Variants in GAN observed in about 807,000 individuals in gnomAD.
GAN encodes gigaxonin, also known as epididymis secretory sperm binding protein.
GAN carries 48 observed loss-of-function variants against 71.3 expected under a neutral mutation model. The ratio of observed to expected loss-of-function variants is 0.67; its 90% CI spans 0.53 to 0.86. The LOEUF (loss-of-function observed/expected upper bound fraction) is 0.86. GAN is among the 40% of genes least tolerant of loss of function. The pLI, the probability that GAN is intolerant of heterozygous loss-of-function variation, is 0.00. For synonymous variants in GAN, 386 were observed against 276.8 expected (o/e 1.39, Z -3.92); for missense variants, 928 against 770.1 (o/e 1.21, Z -2.43).
Position 81,351,630 on chromosome 16 carries a change from A to C in GAN, c.215A>C (p.Lys72Thr), listed in dbSNP as rs756446204. Reference sequence around the variant, plus strand: ...CCAAAAGATGATGGATCAACTTATAAGATTGAACTTGAAGGGATATCGGTA... The same window carrying C: ...CCAAAAGATGATGGATCAACTTATACGATTGAACTTGAAGGGATATCGGTA... Reference protein sequence around the residue: ...NPPKDDGSTYKIELEGISVMV... With the variant: ...NPPKDDGSTYTIELEGISVMV... The change falls in exon 2 of 11, where the codon AAG becomes ACG. Residue 72 changes from lysine (K) to threonine (T), a missense_variant. Lys to Thr is a moderately conservative substitution (Grantham distance 78, BLOSUM62 -1). Coordinates refer to ENST00000648994, the MANE Select transcript of GAN (RefSeq NM_022041.4). 6.4e-7 allele frequency: 1 copy of C among 1,568,590 alleles called. No homozygotes were observed. The highest frequency in any genetic ancestry group is 1.3e-5 in the African/African-American group (1 of 74,154).
At chr16:81,324,455 G>C (rs935734423) in intron 1 of GAN, among the ~76,000 whole-genome samples, 2 of 152,168 alleles carry the variant, frequency 1.3e-5, no homozygotes, top group Non-Finnish European at 2.9e-5. Context: ...GAGAAGAGCA[G>C]GGGGAGGCAC....
intron 3 of GAN, among the ~76,000 whole-genome samples, chr16:81,356,419 A>C (rs1320130650): frequency 6.6e-6 from 1 of 152,158 alleles, no homozygotes; most frequent in Non-Finnish European, 1.5e-5. Context: ...TATTTGTATA[A>C]ACATGATTTA....
At chr16:81,320,989 G>A (rs954405674) in intron 1 of GAN, among the ~76,000 whole-genome samples, 4 of 151,690 alleles carry the variant, frequency 2.6e-5, no homozygotes, top group South Asian at 2.1e-4. Context: ...TTTCAAAAGC[G>A]ATAATAACTA....
intron 9 of GAN, among the ~76,000 whole-genome samples, chr16:81,375,857 C>G (rs1465917662): frequency 6.6e-6 from 1 of 150,760 alleles, no homozygotes; most frequent in Non-Finnish European, 1.5e-5. Context: ...GTGGTCCCAA[C>G]TATTTGGGAG....
Position 81,384,469 on chromosome 16 carries a change from G to A in GAN, c.*6873G>A, listed in dbSNP as rs766860577. 1 of 152,118 alleles carries A rather than the reference G, an allele frequency of 6.6e-6. No individual in the cohort carries two copies. The highest frequency in any genetic ancestry group is 2.4e-5 in the African/African-American group (1 of 41,438). The allele number at this position is 152,118 out of a possible 1,614,324, so 9.4% of individuals were successfully genotyped here. The stretch of plus-strand genomic sequence containing the variant: ...AGTAGTCTATTTAAACGCCACTGCT[G>A]TGTAAAACAGGGGGCTCGATTTCCA... On this transcript the variant is annotated 3_prime_UTR_variant, in exon 11 of 11. Transcript: ENST00000648994.
chr16:81,347,166 T>C (rs112601317), intron 1 of GAN, among the ~76,000 whole-genome samples: 55 of 152,338 alleles, frequency 3.6e-4, no homozygotes, highest in African/African-American at 1.3e-3. Flanking sequence ...AATTCTTTCC[T>C]TCACTTTTAA....
chr16:81,325,061 G>C (rs1909339192), intron 1 of GAN, among the ~76,000 whole-genome samples: 1 of 152,178 alleles, frequency 6.6e-6, no homozygotes, highest in African/African-American at 2.4e-5. Context: ...ATGGCTCCCA[G>C]GCACGGATGC....
At chr16:81,346,602 T>C (rs964290211) in intron 1 of GAN, among the ~76,000 whole-genome samples, 14 of 152,342 alleles carry the variant, frequency 9.2e-5, no homozygotes, top group African/African-American at 3.1e-4. Context: ...GGAACAGTTT[T>C]ACCCTGAAAC....
chr16:81,316,231 T>C (rs1909034426), intron 1 of GAN, among the ~76,000 whole-genome samples: 1 of 152,146 alleles, frequency 6.6e-6, no homozygotes, highest in East Asian at 1.9e-4. Flanking sequence ...CTGGAGAAAC[T>C]GACCAGTAAG....
At chr16:81,316,253 T>G (rs1350545628) in intron 1 of GAN, among the ~76,000 whole-genome samples, 1 of 152,102 alleles carries the variant, frequency 6.6e-6, no homozygotes, top group Non-Finnish European at 1.5e-5. Flanking sequence ...TGGTTAAATA[T>G]AAGCTAGTGG....
chr16:81,353,984 A>G lies in GAN; in HGVS notation c.283-421A>G, dbSNP rs148468603. 8.5e-3 allele frequency among the ~76,000 whole-genome samples: 1,288 copies of G among 152,268 alleles called. 18 individuals are homozygous for G. Among genetic ancestry groups the G allele is most frequent in the African/African-American group, 0.029 (1,225 of 41,554 alleles). On this transcript the variant is annotated intron_variant, in intron 2 of 10. Coordinates refer to ENST00000648994, the MANE Select transcript of GAN (RefSeq NM_022041.4). ...GGCATGCCATTTAGCGGAAGAGTGA[A>G]CTTCATAGGTGGGGAGGCAAGATTT...
chr16:81,342,944 A>G (rs757791588), intron 1 of GAN, among the ~76,000 whole-genome samples: 1 of 152,180 alleles, frequency 6.6e-6, no homozygotes, highest in Non-Finnish European at 1.5e-5. Context: ...GATAAAGGGG[A>G]TATCACCACC....
chr16:81,339,322 G>A (rs9989417), intron 1 of GAN, among the ~76,000 whole-genome samples: 2,391 of 152,266 alleles, frequency 0.016, 44 homozygotes, highest in African/African-American at 0.049. Flanking sequence ...TCCTTTCAGC[G>A]TTGTACAGAT....
intron 1 of GAN, among the ~76,000 whole-genome samples, chr16:81,323,291 TC>T (rs1410712518): frequency 2.6e-5 from 4 of 152,190 alleles, no homozygotes; most frequent in Non-Finnish European, 5.9e-5. Context: ...TCAACTTTGT[TC>T]CCCGCCTAAA....
intron 5 of GAN, 108 bp downstream of exon 5, chr16:81,358,039 TACATG>T: frequency 2.1e-6 from 2 of 968,796 alleles, no homozygotes; most frequent in South Asian, 2.7e-5. Flanking sequence ...TTATTATCTC[TACATG>T]ACATTTTTAG....
intron 1 of GAN, among the ~76,000 whole-genome samples, chr16:81,322,947 A>T (rs1909266106): frequency 6.6e-6 from 1 of 152,208 alleles, no homozygotes; most frequent in Admixed American, 6.5e-5. Flanking sequence ...CCAGAAGTTT[A>T]AGGACAGCGG....
intron 9 of GAN, among the ~76,000 whole-genome samples, chr16:81,374,392 G>A (rs1904275375): frequency 6.6e-6 from 1 of 152,172 alleles, no homozygotes; most frequent in South Asian, 2.1e-4. Flanking sequence ...TCCTGAAACT[G>A]TCAAGCACTC....
In GAN at chr16:81,388,560, C is replaced by T. The variant is rs954161790; in HGVS notation, c.*10964C>T. On this transcript the variant is annotated 3_prime_UTR_variant, in exon 11 of 11. Coordinates refer to ENST00000648994, the MANE Select transcript of GAN (RefSeq NM_022041.4). The stretch of plus-strand genomic sequence containing the variant: ...GCCCCAGAGGCCCTCAGGGCTCCCC[C>T]TCCAAGCCGGGAGGGCAGGCAGGCA... 7.2e-5 allele frequency: 11 copies of T among 153,458 alleles called. No homozygotes were observed. Among genetic ancestry groups the T allele is most frequent in the African/African-American group, 2.2e-4 (9 of 41,490 alleles). The allele number at this position is 153,458 out of a possible 1,614,324, so 9.5% of individuals were successfully genotyped here. A position where few individuals can be genotyped will look rare whatever the true frequency, so the allele number is the denominator to read the frequency against.
intron 5 of GAN, among the ~76,000 whole-genome samples, chr16:81,359,747 A>G (rs990702198): frequency 6.6e-6 from 1 of 152,224 alleles, no homozygotes; most frequent in Non-Finnish European, 1.5e-5. Flanking sequence ...TGAACCCTGT[A>G]CATACTGTGT....
Sources: gnomAD v4.1 joint callset for allele counts (sites outside exome capture counted in the v4.1 genomes callset) on GRCh38, gnomAD v4.1.1 for gene constraint, MANE v1.5 for transcripts, NCBI Gene and HGNC (gene_info 2026-07-23, HGNC 2026-07-21) for gene names.